Variants in IRAK1BP1 observed in about 807,000 individuals in gnomAD.
IRAK1BP1 encodes interleukin-1 receptor-associated kinase 1-binding protein 1.
A neutral mutation model predicts 28.0 loss-of-function variants in IRAK1BP1; 24 were observed. The ratio of observed to expected loss-of-function variants is 0.86; its 90% confidence interval spans 0.62 to 1.20. IRAK1BP1 has a LOEUF of 1.20. IRAK1BP1 is among the 50% of genes most tolerant of loss of function. IRAK1BP1 has a pLI of 0.00. For missense variants in IRAK1BP1, 336 were observed against 316.7 expected (o/e 1.06, Z -0.46); for synonymous variants, 131 against 116.3 (o/e 1.13, Z -0.81).
intron 4 of IRAK1BP1, among the ~76,000 whole-genome samples, chr6:78,941,615 AC>A: frequency 6.6e-6 from 1 of 152,306 alleles, no homozygotes; most frequent in South Asian, 2.1e-4. Context: ...AGCTGGGATG[AC>A]TAAAGGTTTC....
chr6:78,891,463 ATT>A (rs201905833), intron 2 of IRAK1BP1, among the ~76,000 whole-genome samples: 5 of 145,606 alleles, frequency 3.4e-5, no homozygotes, highest in Admixed American at 2.0e-4. Flanking sequence ...GTTTAGAGGA[ATT>A]TTTTTTTTTT....
chr6:78,924,472 G>C (rs549334388), intron 4 of IRAK1BP1, among the ~76,000 whole-genome samples: 11 of 152,244 alleles, frequency 7.2e-5, no homozygotes, highest in Non-Finnish European at 1.6e-4. Context: ...ATTCACAGCC[G>C]AATTCTATCA....
the IRAK1BP1 span, among the ~76,000 whole-genome samples, chr6:78,973,640 C>G: frequency 4.8e-3 from 680 of 142,564 alleles, 4 homozygotes; most frequent in African/African-American, 0.017. Context: ...CCCATCTCAC[C>G]TGCAGAGACA....
chr6:78,909,324 C>G (rs894923503), intron 4 of IRAK1BP1, among the ~76,000 whole-genome samples: 1 of 152,158 alleles, frequency 6.6e-6, no homozygotes, highest in Admixed American at 6.5e-5. Context: ...TTGAGTTTAT[C>G]CAGACATAAT....
chr6:78,875,167 CA>C (rs1272532542), intron 1 of IRAK1BP1, among the ~76,000 whole-genome samples: 3 of 152,120 alleles, frequency 2.0e-5, no homozygotes, highest in African/African-American at 7.2e-5. Context: ...AGATGCAAAT[CA>C]AAACCACAGT....
chr6:78,974,176 C>T, the IRAK1BP1 span, among the ~76,000 whole-genome samples: 2 of 152,128 alleles, frequency 1.3e-5, no homozygotes, highest in African/African-American at 2.4e-5. Context: ...AACAAACTAT[C>T]TCTCAGACCA....
intron 4 of IRAK1BP1, chr6:78,939,548 A>G (rs1773390196): frequency 6.6e-6 from 1 of 151,928 alleles, no homozygotes; most frequent in African/African-American, 2.4e-5. Flanking sequence ...AATCCTGAAA[A>G]AAGAATTTAT....
chr6:78,883,201 C>T (rs1375986133), intron 1 of IRAK1BP1, among the ~76,000 whole-genome samples: 2 of 152,096 alleles, frequency 1.3e-5, no homozygotes, highest in African/African-American at 4.8e-5. Flanking sequence ...TTCAAGATTA[C>T]GGTGAGCCAT....
intron 1 of IRAK1BP1, among the ~76,000 whole-genome samples, chr6:78,875,046 AC>A (rs1276585019): frequency 1.3e-5 from 2 of 152,310 alleles, no homozygotes; most frequent in South Asian, 2.1e-4. Context: ...AGGAAAAAAA[AC>A]AATCTCGTGA....
chr6:78,970,582 T>C, the IRAK1BP1 span, among the ~76,000 whole-genome samples: 1 of 152,166 alleles, frequency 6.6e-6, no homozygotes, highest in Non-Finnish European at 1.5e-5. Flanking sequence ...TAAACTGCAT[T>C]GGAGTATATA....
chr6:78,958,707 T>C, the IRAK1BP1 span: 1 of 714,462 alleles, frequency 1.4e-6, no homozygotes, highest in African/African-American at 1.8e-5. Flanking sequence ...CTAAACCAAC[T>C]GTAAAAACCA....
At chr6:78,877,049 C>A (rs1252542479) in intron 1 of IRAK1BP1, among the ~76,000 whole-genome samples, 1 of 152,124 alleles carries the variant, frequency 6.6e-6, no homozygotes, top group Non-Finnish European at 1.5e-5. Context: ...CAGGAGGAGC[C>A]TCTTAAAGGT....
chr6:78,934,938 A>G (rs540347774), intron 4 of IRAK1BP1, among the ~76,000 whole-genome samples: 1 of 152,210 alleles, frequency 6.6e-6, no homozygotes, highest in Non-Finnish European at 1.5e-5. Context: ...CCCAAAGACT[A>G]ATCAGTAAGT....
chr6:78,911,962 A>C (rs1479473565), intron 4 of IRAK1BP1, among the ~76,000 whole-genome samples: 2 of 152,172 alleles, frequency 1.3e-5, no homozygotes, highest in East Asian at 3.9e-4. Context: ...CTAAGTGTGA[A>C]ATATATGGAA....
At chr6:78,916,750 C>A (rs778942845) in intron 4 of IRAK1BP1, among the ~76,000 whole-genome samples, 1 of 151,788 alleles carries the variant, frequency 6.6e-6, no homozygotes, top group African/African-American at 2.4e-5. Flanking sequence ...CAAGCCCAGG[C>A]AGATCTCCAG....
intron 4 of IRAK1BP1, chr6:78,936,636 C>G (rs1394125051): frequency 1.3e-5 from 2 of 151,814 alleles, no homozygotes; most frequent in Non-Finnish European, 3.0e-5. Flanking sequence ...TATTTCAACA[C>G]AGAGCTATCA....
the IRAK1BP1 span, among the ~76,000 whole-genome samples, chr6:78,952,944 ATAATC>A: frequency 6.6e-6 from 1 of 152,102 alleles, no homozygotes; most frequent in Non-Finnish European, 1.5e-5. Context: ...GTACTTCAGA[ATAATC>A]TATTACTCAA....
chr6:78,938,137 A>G (rs1773340601), intron 4 of IRAK1BP1: 1 of 151,720 alleles, frequency 6.6e-6, no homozygotes, highest in Admixed American at 6.6e-5. Context: ...AAGCTAAATT[A>G]TAAAAATATA....
the IRAK1BP1 span, among the ~76,000 whole-genome samples, chr6:78,963,816 C>T: frequency 1.3e-5 from 2 of 152,134 alleles, no homozygotes; most frequent in African/African-American, 2.4e-5. Context: ...AATCTAGAAA[C>T]GTGCTAGGTA....
Sources: gnomAD v4.1 joint callset for allele counts (sites outside exome capture counted in the v4.1 genomes callset) on GRCh38, gnomAD v4.1.1 for gene constraint, MANE v1.5 for transcripts, NCBI Gene and HGNC (gene_info 2026-07-23, HGNC 2026-07-21) for gene names.